Variants in GPHN observed in about 807,000 individuals in gnomAD.
The protein encoded by GPHN is gephyrin.
Under a neutral mutation model 95.5 loss-of-function variants are expected in GPHN, and 17 were observed. That is an observed-to-expected ratio of 0.18 (90% CI 0.12 to 0.27). The LOEUF (loss-of-function observed/expected upper bound fraction) is 0.27, where lower values mean the gene tolerates loss of function less well. Among genes scored for constraint, GPHN ranks in the 10% least tolerant of loss-of-function variants. The probability of loss-of-function intolerance (pLI) is 1.00; values close to 1 mark genes in which losing one functional copy is unlikely to be tolerated. For synonymous variants in GPHN, 320 were observed against 322.5 expected, an observed-to-expected ratio of 0.99 and a Z score of 0.08; for missense variants, 660 against 978.1, an observed-to-expected ratio of 0.67 and a Z score of 4.34.
chr14:66,923,413 T>C (rs2153561775), intron 7 of GPHN, among the ~76,000 whole-genome samples: 1 of 152,260 alleles, frequency 6.6e-6, no homozygotes, highest in South Asian at 2.1e-4. Flanking sequence ...TTTTCTTAAC[T>C]AATAACTTAT....
intron 4 of GPHN, among the ~76,000 whole-genome samples, chr14:66,862,053 T>A (rs940546297): frequency 4.6e-5 from 7 of 151,946 alleles, no homozygotes; most frequent in African/African-American, 1.5e-4. Flanking sequence ...CTGGAAAGCT[T>A]GTTTTTTGGA....
At chr14:66,844,058 C>G (rs1406481180) in intron 4 of GPHN, among the ~76,000 whole-genome samples, 1 of 151,984 alleles carries the variant, frequency 6.6e-6, no homozygotes, top group Non-Finnish European at 1.5e-5. Flanking sequence ...AAAGCATCAT[C>G]TCTAAAAATA....
At chr14:67,463,154 C>T in the GPHN span, among the ~76,000 whole-genome samples, 8 of 152,224 alleles carry the variant, frequency 5.3e-5, no homozygotes, top group African/African-American at 1.9e-4. Context: ...CATGGTGGCT[C>T]ACACCTGTAA....
At chr14:66,602,699 AG>A (rs1383137339) in intron 1 of GPHN, among the ~76,000 whole-genome samples, 1 of 151,968 alleles carries the variant, frequency 6.6e-6, no homozygotes, top group Non-Finnish European at 1.5e-5. Context: ...ATTAGGTAGT[AG>A]GGAAAATTCA....
intron 9 of GPHN, among the ~76,000 whole-genome samples, chr14:66,993,062 T>C (rs1181381969): frequency 1.3e-5 from 2 of 152,148 alleles, no homozygotes; most frequent in Admixed American, 1.3e-4. Context: ...ATAATGGAGT[T>C]TGTGAAATTT....
At chr14:66,624,033 T>C (rs8009655) in intron 1 of GPHN, among the ~76,000 whole-genome samples, 47,204 of 152,056 alleles carry the variant, frequency 0.31, 11,180 homozygotes, top group African/African-American at 0.64. Context: ...ACAGTGCTCC[T>C]CATGTCCTTA....
chr14:66,937,384 ATT>A (rs112358245), intron 8 of GPHN, among the ~76,000 whole-genome samples: 6 of 141,826 alleles, frequency 4.2e-5, no homozygotes, highest in African/African-American at 2.6e-5. Flanking sequence ...AACTGGAGCA[ATT>A]TTTTTTTTTT....
chr14:67,085,734 C>G (rs756644087), intron 11 of GPHN, among the ~76,000 whole-genome samples: 11 of 152,140 alleles, frequency 7.2e-5, no homozygotes, highest in Non-Finnish European at 1.5e-4. Context: ...ACTATTTTAA[C>G]CATTTTTAAG....
At chr14:66,806,842 T>C (rs529307308) in intron 3 of GPHN, among the ~76,000 whole-genome samples, 1 of 152,272 alleles carries the variant, frequency 6.6e-6, no homozygotes, top group South Asian at 2.1e-4. Context: ...CTTTCCCACA[T>C]TTTTCTGTCT....
the GPHN span, among the ~76,000 whole-genome samples, chr14:67,343,932 C>T: frequency 6.6e-6 from 1 of 152,216 alleles, no homozygotes; most frequent in Non-Finnish European, 1.5e-5. Context: ...TGATAACCTA[C>T]ATGTCACATT....
chr14:66,619,363 C>T (rs1422034953), intron 1 of GPHN, among the ~76,000 whole-genome samples: 1 of 152,040 alleles, frequency 6.6e-6, no homozygotes, highest in Non-Finnish European at 1.5e-5. Flanking sequence ...TTTTTCAGAT[C>T]CTTACCCACA....
At chr14:66,769,295 A>G (rs563525623) in intron 2 of GPHN, among the ~76,000 whole-genome samples, 1 of 152,184 alleles carries the variant, frequency 6.6e-6, no homozygotes, top group African/African-American at 2.4e-5. Context: ...ATTTGAGCCT[A>G]TGTAGAGTTT....
At chr14:66,529,662 T>G (rs2058833625) in intron 1 of GPHN, among the ~76,000 whole-genome samples, 1 of 152,212 alleles carries the variant, frequency 6.6e-6, no homozygotes, top group African/African-American at 2.4e-5. Flanking sequence ...GTGGACGTCC[T>G]TTTTGTTAAT....
chr14:67,314,265 C>A, the GPHN span, among the ~76,000 whole-genome samples: 3 of 152,186 alleles, frequency 2.0e-5, no homozygotes, highest in East Asian at 5.8e-4. Context: ...GGAAGTTGTC[C>A]AAAGATTTTA....
chr14:67,669,814 C>A, the GPHN span, among the ~76,000 whole-genome samples: 8 of 152,218 alleles, frequency 5.3e-5, no homozygotes, highest in African/African-American at 1.7e-4. Context: ...AAAACCAACT[C>A]TTGGGCCGGG....
intron 12 of GPHN, among the ~76,000 whole-genome samples, chr14:67,096,428 A>T (rs949754374): frequency 6.6e-6 from 1 of 152,154 alleles, no homozygotes; most frequent in African/African-American, 2.4e-5. Context: ...TGATATGAGC[A>T]TTTTGAGTTT....
At chr14:66,956,173 A>T (rs535810082) in intron 8 of GPHN, among the ~76,000 whole-genome samples, 1 of 152,288 alleles carries the variant, frequency 6.6e-6, no homozygotes, top group East Asian at 1.9e-4. Context: ...GTGGAAGATT[A>T]GTGTATTGAT....
intron 9 of GPHN, among the ~76,000 whole-genome samples, chr14:66,989,053 C>T (rs1253503101): frequency 1.3e-5 from 2 of 151,892 alleles, no homozygotes; most frequent in Non-Finnish European, 2.9e-5. Context: ...CGCTAAATTT[C>T]TGATTATTGA....
intron 1 of GPHN, among the ~76,000 whole-genome samples, chr14:66,674,246 C>A (rs1413378450): frequency 4.6e-5 from 7 of 151,778 alleles, no homozygotes. Flanking sequence ...CTACAGACGC[C>A]CACCACCACT....
Sources: gnomAD v4.1 joint callset for allele counts (sites outside exome capture counted in the v4.1 genomes callset) on GRCh38, gnomAD v4.1.1 for gene constraint, MANE v1.5 for transcripts, NCBI Gene and HGNC (gene_info 2026-07-23, HGNC 2026-07-21) for gene names.